The following SEPTIN11 variants were observed in gnomAD, a reference collection of about 807,000 sequenced individuals.
SEPTIN11 encodes septin-11.
Under a neutral mutation model 51.4 loss-of-function variants are expected in SEPTIN11, and 25 were observed. The observed-to-expected ratio is 0.49, with a 90% CI of 0.35 to 0.68. SEPTIN11 has a LOEUF of 0.68. Ranked by LOEUF, SEPTIN11 falls within the 30% of genes least tolerant of loss-of-function variation. SEPTIN11 has a pLI of 0.00. For synonymous variants in SEPTIN11, 174 were observed against 184.1 expected (o/e 0.95, Z 0.44); for missense variants, 381 against 520.8 (o/e 0.73, Z 2.61).
At position 77,037,784 on chromosome 4, in the gene SEPTIN11, G is replaced by C; in HGVS notation, c.*3272G>C. 1.0e-6 allele frequency: 1 copy of C among 985,804 alleles called. No individual in the cohort carries two copies. The highest frequency in any genetic ancestry group is 1.2e-6 in the Non-Finnish European group (1 of 829,934). 61.1% of individuals were successfully genotyped at this position (985,804 alleles called of 1,614,324 possible). A position where few individuals can be genotyped will look rare whatever the true frequency, so the allele number is the denominator to read the frequency against. On this transcript the variant is annotated 3_prime_UTR_variant, in exon 10 of 10. Transcript: ENST00000264893. The stretch of plus-strand genomic sequence containing the variant: ...GTTCAGATTGTGTTTTCCCAACTTA[G>C]GCTCTTTATTAATTGGTTAAGGTTT...
chr4:77,003,609 C>T (rs1040767076), intron 2 of SEPTIN11, among the ~76,000 whole-genome samples: 2 of 152,198 alleles, frequency 1.3e-5, no homozygotes, highest in African/African-American at 4.8e-5. Flanking sequence ...GATGAATATA[C>T]TTGACCAACT....
At chr4:76,982,096 C>T (rs1216669538) in intron 1 of SEPTIN11, among the ~76,000 whole-genome samples, 1 of 152,180 alleles carries the variant, frequency 6.6e-6, no homozygotes, top group African/African-American at 2.4e-5. Flanking sequence ...CTTAGTTTTC[C>T]TAGTTCATTG....
chr4:77,016,890 A>G (rs1336806150), intron 5 of SEPTIN11, among the ~76,000 whole-genome samples: 1 of 151,938 alleles, frequency 6.6e-6, no homozygotes, highest in African/African-American at 2.4e-5. Context: ...GAGATGATTT[A>G]AAGTATACAG....
chr4:77,019,050 C>T, intron 5 of SEPTIN11, 115 bp from the exon 6 acceptor site: 11 of 955,966 alleles, frequency 1.2e-5, no homozygotes, highest in Middle Eastern at 2.4e-4. Flanking sequence ...CTGCAGCCTG[C>T]TTTTCCCTTG....
chr4:76,995,781 T>A, intron 1 of SEPTIN11: 2 of 1,518,954 alleles, frequency 1.3e-6, no homozygotes, highest in Non-Finnish European at 1.8e-6. Context: ...CTTACCCTAG[T>A]CTACATCGGT....
At chr4:76,987,895 G>A in intron 1 of SEPTIN11, 1 of 864,746 alleles carries the variant, frequency 1.2e-6, no homozygotes, top group Non-Finnish European at 1.4e-6. Context: ...TCTTTTCCAA[G>A]TGGGTATTCT....
intron 1 of SEPTIN11, among the ~76,000 whole-genome samples, chr4:76,951,545 GC>G (rs998377326): frequency 1.3e-5 from 2 of 152,116 alleles, no homozygotes; most frequent in Non-Finnish European, 2.9e-5. Context: ...TCCTCCCCCT[GC>G]CCCCCATTAT....
At chr4:76,958,447 T>G (rs942664521) in intron 1 of SEPTIN11, among the ~76,000 whole-genome samples, 10 of 152,310 alleles carry the variant, frequency 6.6e-5, no homozygotes, top group African/African-American at 2.4e-4. Flanking sequence ...CCTGTTTCAC[T>G]TTTCCCTGTC....
intron 8 of SEPTIN11, among the ~76,000 whole-genome samples, chr4:77,029,636 C>A (rs1344536389): frequency 6.6e-6 from 1 of 151,750 alleles, no homozygotes; most frequent in Admixed American, 6.6e-5. Context: ...TCTAGAATTC[C>A]TTCCTTTCCT....
At chr4:76,960,917 G>C (rs1239593575) in intron 1 of SEPTIN11, among the ~76,000 whole-genome samples, 1 of 152,208 alleles carries the variant, frequency 6.6e-6, no homozygotes, top group Non-Finnish European at 1.5e-5. Flanking sequence ...ATCAGGATGT[G>C]TTTTGTCGTT....
chr4:77,039,877 G>A (rs1355442481), downstream of SEPTIN11: 6 of 378,068 alleles, frequency 1.6e-5, no homozygotes, highest in Non-Finnish European at 2.2e-5. Context: ...ACTATGTTTT[G>A]GGGGAGAAAA....
chr4:76,987,543 C>T (rs977966937), intron 1 of SEPTIN11, among the ~76,000 whole-genome samples: 9 of 152,132 alleles, frequency 5.9e-5, no homozygotes, highest in Middle Eastern at 3.2e-3. Context: ...CAGTGTTTTC[C>T]CTTTTGCATG....
At chr4:77,027,587 C>T (rs550463118) in intron 7 of SEPTIN11, among the ~76,000 whole-genome samples, 6 of 152,154 alleles carry the variant, frequency 3.9e-5, no homozygotes, top group South Asian at 2.1e-4. Flanking sequence ...TGCCAGGGAT[C>T]GTGCAGAGTG....
intron 1 of SEPTIN11, among the ~76,000 whole-genome samples, chr4:76,983,103 C>T (rs915677707): frequency 2.0e-5 from 3 of 152,190 alleles, no homozygotes; most frequent in Non-Finnish European, 4.4e-5. Flanking sequence ...TGTACACGCT[C>T]TGCATAATCC....
intron 1 of SEPTIN11, chr4:76,974,884 A>T: frequency 2.2e-6 from 1 of 455,948 alleles, no homozygotes; most frequent in East Asian, 6.9e-5. Flanking sequence ...ACACTTTGGG[A>T]GGCCGAGGCA....
At position 76,959,177 on chromosome 4, in the gene SEPTIN11, G is replaced by A. The variant is rs1251471347; in HGVS notation, c.27+9247G>A. On this transcript the variant is annotated intron_variant, in intron 1 of 9. Coordinates refer to ENST00000264893, the MANE Select transcript of SEPTIN11 (RefSeq NM_018243.4). ...CTTGATCGTTTTACCATTCTTGGCT[G>A]CTGGGGTCTGATGAGCAACTGTAAC... is the stretch of plus-strand genomic sequence containing the variant. 12 of 451,508 alleles carry A rather than the reference G, an allele frequency of 2.7e-5. No homozygotes were observed. In the Admixed American group the frequency reaches 3.5e-4, roughly 13 times the overall value. 28.0% of individuals were successfully genotyped at this position (451,508 alleles called of 1,614,324 possible). A position where few individuals can be genotyped will look rare whatever the true frequency, so the allele number is the denominator to read the frequency against.
At chr4:76,950,208 T>C (rs1368896969) in intron 1 of SEPTIN11, among the ~76,000 whole-genome samples, 2 of 152,112 alleles carry the variant, frequency 1.3e-5, no homozygotes, top group Non-Finnish European at 2.9e-5. Context: ...AAAATAATTC[T>C]TTGAGGCGCG....
At chr4:76,987,275 G>T (rs764254855) in intron 1 of SEPTIN11, among the ~76,000 whole-genome samples, 10 of 152,046 alleles carry the variant, frequency 6.6e-5, no homozygotes, top group Admixed American at 2.0e-4. Flanking sequence ...CCTCACTGCC[G>T]CCTGGCGCTC....
At chr4:76,995,927 G>A (rs1723684311) in intron 1 of SEPTIN11, 1 of 1,535,584 alleles carries the variant, frequency 6.5e-7, no homozygotes, top group Non-Finnish European at 8.7e-7. Context: ...TTTTAAATAT[G>A]CTGCATTTAT....
Sources: allele counts gnomAD v4.1 joint callset (sites outside exome capture counted in the v4.1 genomes callset), GRCh38; gene constraint gnomAD v4.1.1; transcripts MANE v1.5; gene names NCBI Gene and HGNC (gene_info 2026-07-23, HGNC 2026-07-21).